RAB3GAP1: variants seen among roughly 807,000 people sequenced by gnomAD.
The protein encoded by RAB3GAP1 is RAB3 GTPase activating protein catalytic subunit 1.
Under a neutral mutation model 130.7 loss-of-function variants are expected in RAB3GAP1, and 86 were observed. That is an observed-to-expected ratio of 0.66 (90% confidence interval 0.55 to 0.79). RAB3GAP1 has a LOEUF of 0.79. RAB3GAP1 is among the 30% of genes least tolerant of loss of function. The probability of loss-of-function intolerance (pLI) is 0.00; values close to 1 mark genes in which losing one functional copy is unlikely to be tolerated. For missense variants in RAB3GAP1, 1,029 were observed against 1,169.4 expected, an observed-to-expected ratio of 0.88 and a Z score of 1.75; for synonymous variants, 367 against 401.7, an observed-to-expected ratio of 0.91 and a Z score of 1.03.
chr2:135,094,896 A>G (rs754650850), intron 5 of RAB3GAP1, among the ~76,000 whole-genome samples: 1 of 152,150 alleles, frequency 6.6e-6, no homozygotes, highest in Non-Finnish European at 1.5e-5. Flanking sequence ...TTATGGCTGA[A>G]TAATATTATA....
At chr2:135,095,427 T>C (rs1415300460) in intron 5 of RAB3GAP1, among the ~76,000 whole-genome samples, 1 of 152,172 alleles carries the variant, frequency 6.6e-6, no homozygotes, top group Non-Finnish European at 1.5e-5. Context: ...TAATCCAGGG[T>C]AGTGCTTAAC....
At chr2:135,101,997 C>T (rs762067108) in intron 5 of RAB3GAP1, among the ~76,000 whole-genome samples, 1 of 152,086 alleles carries the variant, frequency 6.6e-6, no homozygotes, top group Admixed American at 6.5e-5. Flanking sequence ...GATAATGAAC[C>T]CTGCTAGCCC....
chr2:135,060,951 G>T (rs1689153313), intron 3 of RAB3GAP1, among the ~76,000 whole-genome samples: 2 of 149,724 alleles, frequency 1.3e-5, no homozygotes, highest in Admixed American at 6.7e-5. Context: ...CAATCTGCTT[G>T]CCTGGGCCTC....
intron 7 of RAB3GAP1, among the ~76,000 whole-genome samples, chr2:135,116,465 A>G (rs2104918407): frequency 6.6e-6 from 1 of 152,312 alleles, no homozygotes; most frequent in Admixed American, 6.5e-5. Flanking sequence ...GCTGGAAGCA[A>G]TTCAGATTTA....
At chr2:135,060,367 C>G (rs1689132468) in intron 3 of RAB3GAP1, among the ~76,000 whole-genome samples, 1 of 149,166 alleles carries the variant, frequency 6.7e-6, no homozygotes, top group Non-Finnish European at 1.5e-5. Flanking sequence ...TCAAGAGATT[C>G]TCCTGCCTCA....
intron 7 of RAB3GAP1, among the ~76,000 whole-genome samples, chr2:135,119,961 T>A (rs975947937): frequency 6.6e-6 from 1 of 152,246 alleles, no homozygotes; most frequent in South Asian, 2.1e-4. Context: ...AATTGACAGA[T>A]AAATCTAAGT....
chr2:135,099,029 G>T (rs1690377761), intron 5 of RAB3GAP1, among the ~76,000 whole-genome samples: 1 of 151,964 alleles, frequency 6.6e-6, no homozygotes, highest in Admixed American at 6.6e-5. Flanking sequence ...TGTATTACAA[G>T]ATACCATGAA....
At chr2:135,137,152 G>T in intron 17 of RAB3GAP1, 1 of 371,970 alleles carries the variant, frequency 2.7e-6, no homozygotes, top group Non-Finnish European at 5.2e-6. Context: ...GGGATATGAA[G>T]GAAATCCTCA....
At chr2:135,052,608 C>A in intron 2 of RAB3GAP1, 123 bp downstream of exon 2, 1 of 1,134,678 alleles carries the variant, frequency 8.8e-7, no homozygotes, top group Non-Finnish European at 1.3e-6. Context: ...CCGTGGGTCC[C>A]GGGTCTCCTC....
intron 17 of RAB3GAP1, among the ~76,000 whole-genome samples, chr2:135,138,212 G>T (rs1279447513): frequency 6.6e-6 from 1 of 151,596 alleles, no homozygotes; most frequent in African/African-American, 2.4e-5. Context: ...GGAGGCCGAG[G>T]TGGGGTTGGA....
downstream of RAB3GAP1, among the ~76,000 whole-genome samples, chr2:135,175,059 A>C (rs1480220267): frequency 6.6e-6 from 1 of 152,222 alleles, no homozygotes; most frequent in Admixed American, 6.5e-5. Context: ...GGGGAAAAAA[A>C]CACAAGCAAT....
chr2:135,054,513 G>T (rs1209953654), intron 2 of RAB3GAP1, among the ~76,000 whole-genome samples: 1 of 152,152 alleles, frequency 6.6e-6, no homozygotes, highest in East Asian at 1.9e-4. Context: ...TTGATGATAC[G>T]TTAAAAGTGG....
intron 3 of RAB3GAP1, among the ~76,000 whole-genome samples, chr2:135,087,295 G>A (rs1690015753): frequency 6.6e-6 from 1 of 152,104 alleles, no homozygotes; most frequent in Admixed American, 6.5e-5. Context: ...ATACTATACT[G>A]TCTTAATTAT....
chr2:135,130,560 G>A lies in RAB3GAP1; in HGVS notation c.1075G>A (p.Asp359Asn). The A allele has an allele frequency of 1.2e-6, 2 of 1,612,658 alleles. No individual in the cohort carries two copies. The highest frequency in any genetic ancestry group is 1.7e-6 in the Non-Finnish European group (2 of 1,179,030). ...AFEEEGKETADITHALSKLTE... is the reference protein window; with the variant it reads ...AFEEEGKETANITHALSKLTE... ...TTCTGTTCTTTTTATAGAAACTGCT[G>A]ATATAACTCATGCTTTGTCAAAATT... The change falls in exon 13 of 24, where the codon GAT becomes AAT. Residue 359 changes from aspartate to asparagine, a missense_variant. Asp to Asn is a conservative substitution (Grantham distance 23). Transcript: ENST00000264158.
At chr2:135,121,396 A>T (rs1691195863) in intron 8 of RAB3GAP1, among the ~76,000 whole-genome samples, 1 of 152,236 alleles carries the variant, frequency 6.6e-6, no homozygotes, top group African/African-American at 2.4e-5. Flanking sequence ...CTTGTATGTT[A>T]TAGAAATATA....
intron 5 of RAB3GAP1, among the ~76,000 whole-genome samples, chr2:135,098,164 G>C (rs899076020): frequency 6.6e-6 from 1 of 152,078 alleles, no homozygotes; most frequent in African/African-American, 2.4e-5. Flanking sequence ...CAGTGTCCAA[G>C]TCTTTTGCAC....
intron 8 of RAB3GAP1, among the ~76,000 whole-genome samples, chr2:135,122,178 A>C (rs1691224666): frequency 6.6e-6 from 1 of 152,228 alleles, no homozygotes; most frequent in Admixed American, 6.5e-5. Context: ...TATATACCAC[A>C]AAATAATTTT....
rs895596232 is a variant in RAB3GAP1 at position 135,153,840 on chromosome 2, A to G, written c.2253A>G (p.Gln751=). Reference sequence around the variant, plus strand: ...CTAAGCCAATTCCTGCTAGAAGGCAAAGGAGACTCTTTGATGATACACGGG... The same window carrying G: ...CTAAGCCAATTCCTGCTAGAAGGCAGAGGAGACTCTTTGATGATACACGGG... The part of the protein sequence containing the change: ...ETAKPIPARR[Q]RRLFDDTREA... The change falls in exon 19 of 24, where the codon CAA becomes CAG. Residue 751 remains glutamine, a synonymous_variant. Coordinates refer to ENST00000264158, the MANE Select transcript of RAB3GAP1 (RefSeq NM_012233.3). 8 of 1,613,934 alleles carry G rather than the reference A, an allele frequency of 5.0e-6. No homozygotes were observed. The highest frequency in any genetic ancestry group is 1.3e-5 in the African/African-American group (1 of 74,910).
chr2:135,091,763 G>T (rs1690149899), intron 4 of RAB3GAP1, among the ~76,000 whole-genome samples: 1 of 152,098 alleles, frequency 6.6e-6, no homozygotes, highest in Non-Finnish European at 1.5e-5. Flanking sequence ...CCTGACCCAT[G>T]CCAGGTACTC....
Sources: allele counts gnomAD v4.1 joint callset (sites outside exome capture counted in the v4.1 genomes callset), GRCh38; gene constraint gnomAD v4.1.1; transcripts MANE v1.5; gene names NCBI Gene and HGNC (gene_info 2026-07-23, HGNC 2026-07-21).